The following SMG6 variants were observed in gnomAD, a reference collection of about 807,000 sequenced individuals.
The protein encoded by SMG6 is SMG6 nonsense mediated mRNA decay factor, also known as telomerase-binding protein EST1A.
SMG6 carries 66 observed loss-of-function variants against 142.2 expected under a neutral mutation model. The observed-to-expected ratio is 0.46, with a 90% CI of 0.38 to 0.57. SMG6 has a LOEUF of 0.57. SMG6 is among the 20% of genes least tolerant of loss of function. The probability of loss-of-function intolerance (pLI) is 0.00; values close to 1 mark genes in which losing one functional copy is unlikely to be tolerated. For missense variants in SMG6, 1,793 were observed against 1,832.0 expected (o/e 0.98, Z 0.39); for synonymous variants, 779 against 702.4 (o/e 1.11, Z -1.72).
intron 14 of SMG6, 61 bp from the exon 15 acceptor site, chr17:2,082,017 A>C: frequency 6.3e-7 from 1 of 1,581,440 alleles, no homozygotes; most frequent in Non-Finnish European, 8.7e-7. Context: ...CATGGCTCTT[A>C]CTGAACCCAA....
At chr17:2,214,265 A>C (rs1276630258) in intron 10 of SMG6, 1 of 152,392 alleles carries the variant, frequency 6.6e-6, no homozygotes, top group Non-Finnish European at 1.5e-5. Context: ...ACTGCAATCC[A>C]AGTCAGACAG....
At chr17:2,157,216 A>C (rs1464807792) in intron 13 of SMG6, among the ~76,000 whole-genome samples, 3 of 152,226 alleles carry the variant, frequency 2.0e-5, no homozygotes, top group Non-Finnish European at 4.4e-5. Context: ...GGCTAGCAAG[A>C]GCAGAAGAAA....
rs536284794 is a variant in SMG6 at position 2,262,129 on chromosome 17, T to G, written c.2662-17410A>C. ...TAGCGAGTATTATCACAATTCCTCT[T>G]TCCCATACGCATCAGGAGCTGCAGT... is the stretch of plus-strand genomic sequence containing the variant. On this transcript the variant is annotated intron_variant, in intron 8 of 18. Coordinates refer to ENST00000263073, the MANE Select transcript of SMG6 (RefSeq NM_017575.5). 6.4e-4 allele frequency among the ~76,000 whole-genome samples: 98 copies of G among 152,326 alleles called. 1 individual carries two copies. Among genetic ancestry groups the G allele is most frequent in the Non-Finnish European group, 1.2e-3 (80 of 68,034 alleles).
At chr17:2,099,482 T>C (rs530744720) in intron 13 of SMG6, among the ~76,000 whole-genome samples, 10 of 151,634 alleles carry the variant, frequency 6.6e-5, no homozygotes, top group Non-Finnish European at 8.8e-5. Flanking sequence ...ACTGATGTCA[T>C]GCTTTGAAAA....
chr17:2,074,152 CTG>C (rs1293812590), intron 15 of SMG6, among the ~76,000 whole-genome samples: 3 of 151,872 alleles, frequency 2.0e-5, no homozygotes, highest in Admixed American at 6.6e-5. Context: ...TCACAGGTCA[CTG>C]TAGCCTGAAA....
rs372716690 is a variant in SMG6 at position 2,138,418 on chromosome 17, G to C, written c.3357+34240C>G. 3.5e-3 allele frequency among the ~76,000 whole-genome samples: 528 copies of C among 152,264 alleles called. 1 individual carries two copies. Among genetic ancestry groups the C allele is most frequent in the Non-Finnish European group, 6.6e-3 (446 of 68,012 alleles). On this transcript the variant is annotated intron_variant, in intron 13 of 18. Transcript: ENST00000263073. ...CAGCTGCCACTAACCAGAACCCCCAGTGGCTGTGGCCTACAGTGTAGACAG... is the reference window on the plus strand; with the variant it reads ...CAGCTGCCACTAACCAGAACCCCCACTGGCTGTGGCCTACAGTGTAGACAG...
At chr17:2,095,474 G>A (rs1366254786) in intron 13 of SMG6, among the ~76,000 whole-genome samples, 2 of 152,192 alleles carry the variant, frequency 1.3e-5, no homozygotes, top group Non-Finnish European at 2.9e-5. Flanking sequence ...ATGCAGTTCA[G>A]CAACATGTAA....
intron 13 of SMG6, among the ~76,000 whole-genome samples, chr17:2,091,852 GTGTTTT>G (rs1567590700): frequency 6.7e-6 from 1 of 150,366 alleles, no homozygotes; most frequent in East Asian, 1.9e-4. Context: ...GTGTGTGTGT[GTGTTTT>G]TTTTTAGTAG....
At chr17:2,076,811 C>A (rs767888453) in intron 15 of SMG6, among the ~76,000 whole-genome samples, 5 of 152,190 alleles carry the variant, frequency 3.3e-5, no homozygotes, top group African/African-American at 1.2e-4. Context: ...GCATGTGGGG[C>A]CTGTTCTTAA....
At chr17:2,202,753 C>T (rs1301425146) in intron 10 of SMG6, among the ~76,000 whole-genome samples, 1 of 152,218 alleles carries the variant, frequency 6.6e-6, no homozygotes, top group Non-Finnish European at 1.5e-5. Context: ...AGAATTGGCA[C>T]TGATAACCTG....
chr17:2,200,337 C>T (rs1378743294), intron 10 of SMG6, among the ~76,000 whole-genome samples: 1 of 151,890 alleles, frequency 6.6e-6, no homozygotes, highest in Non-Finnish European at 1.5e-5. Context: ...TTTTTAAAAA[C>T]GTGAATTTAA....
intron 8 of SMG6, among the ~76,000 whole-genome samples, chr17:2,247,608 T>C (rs1260713118): frequency 6.6e-6 from 1 of 152,006 alleles, no homozygotes; most frequent in Non-Finnish European, 1.5e-5. Flanking sequence ...GCCAACATGT[T>C]GAAACCCTGT....
chr17:2,086,709 C>A (rs1351157522), intron 13 of SMG6, among the ~76,000 whole-genome samples: 1 of 152,216 alleles, frequency 6.6e-6, no homozygotes, highest in African/African-American at 2.4e-5. Flanking sequence ...GTCCCCCAGT[C>A]TGGGCCCCCC....
At chr17:2,277,717 T>C (rs1342972165) in intron 8 of SMG6, among the ~76,000 whole-genome samples, 2 of 152,194 alleles carry the variant, frequency 1.3e-5, no homozygotes, top group Non-Finnish European at 2.9e-5. Context: ...AAGTTGCAGA[T>C]TGTTATACAT....
chr17:2,102,037 C>T (rs1203245186), intron 13 of SMG6, among the ~76,000 whole-genome samples: 1 of 152,182 alleles, frequency 6.6e-6, no homozygotes, highest in African/African-American at 2.4e-5. Context: ...TGCACTCCTC[C>T]TGGGTGGGTG....
chr17:2,195,497 C>T (rs1404573980), intron 10 of SMG6, among the ~76,000 whole-genome samples: 1 of 152,174 alleles, frequency 6.6e-6, no homozygotes, highest in African/African-American at 2.4e-5. Flanking sequence ...GAATTATAAG[C>T]CCCTTGAGGG....
intron 12 of SMG6, among the ~76,000 whole-genome samples, chr17:2,184,103 T>A (rs1034362785): frequency 6.6e-6 from 1 of 152,224 alleles, no homozygotes; most frequent in African/African-American, 2.4e-5. Flanking sequence ...GGCTCACGCC[T>A]GTAATCCCTG....
Position 2,085,405 on chromosome 17 carries a change from C to T in SMG6, c.3534+320G>A, listed in dbSNP as rs78994893. ...GCATTGGGCTCCACACATCTATAAA[C>T]TTGATCCTGACCACCCCCCTCTCCC... On this transcript the variant is annotated intron_variant, in intron 14 of 18. Transcript: ENST00000263073. This position sits in a 1 kb window ranked among gnomAD's most constrained non-coding sequence, Gnocchi z 4.1. 5.3e-4 allele frequency among the ~76,000 whole-genome samples: 80 copies of T among 152,316 alleles called. No individual in the cohort carries two copies. Among genetic ancestry groups the T allele is most frequent in the Middle Eastern group, 3.4e-3 (1 of 294 alleles).
rs1169142711 is a variant in SMG6, at chr17:2,085,303, G to A, written c.3534+422C>T. ...AGGGAGGGAGGGTAGGGCAGGGGAG[G>A]GGTGATTTTCCACACAGGGCCAGCA... On this transcript the variant is annotated intron_variant, in intron 14 of 18. Coordinates refer to ENST00000263073, the MANE Select transcript of SMG6 (RefSeq NM_017575.5). This position sits in a 1 kb window ranked among gnomAD's most constrained non-coding sequence, Gnocchi z 4.1. Among the ~76,000 whole-genome samples, 1 of 152,024 alleles carries A rather than the reference G, an allele frequency of 6.6e-6. No homozygotes were observed. The highest frequency in any genetic ancestry group is 2.1e-4 in the South Asian group (1 of 4,826).
Sources: allele counts gnomAD v4.1 joint callset (sites outside exome capture counted in the v4.1 genomes callset), GRCh38; gene constraint gnomAD v4.1.1; non-coding constraint Gnocchi (gnomAD v3.1); transcripts MANE v1.5; gene names NCBI Gene and HGNC (gene_info 2026-07-23, HGNC 2026-07-21).